The following ITGA6 variants were observed in gnomAD, a reference collection of about 807,000 sequenced individuals.
ITGA6 encodes integrin alpha-6.
ITGA6 carries 63 observed loss-of-function variants against 133.6 expected under a neutral mutation model. The observed-to-expected ratio is 0.47, with a 90% CI of 0.38 to 0.58. The LOEUF (loss-of-function observed/expected upper bound fraction) is 0.58. Ranked by LOEUF, ITGA6 falls within the 20% of genes least tolerant of loss-of-function variation. The probability of loss-of-function intolerance (pLI) is 0.00; values close to 1 mark genes in which losing one functional copy is unlikely to be tolerated. For synonymous variants in ITGA6, 434 were observed against 482.0 expected (o/e 0.90, Z 1.30); for missense variants, 1,068 against 1,309.4 (o/e 0.82, Z 2.85).
Position 172,427,667 on chromosome 2 carries a change from C to T in ITGA6, c.-122C>T, listed in dbSNP as rs373890886. 130 of 1,326,360 alleles carry T rather than the reference C, an allele frequency of 9.8e-5. 1 individual carries two copies. In the South Asian group the frequency reaches 1.4e-3, roughly 14 times the overall value. 82.2% of individuals were successfully genotyped at this position (1,326,360 alleles called of 1,614,324 possible). A position where few individuals can be genotyped will look rare whatever the true frequency, so the allele number is the denominator to read the frequency against. On this transcript the variant is annotated 5_prime_UTR_variant, in exon 1 of 26. Transcript: ENST00000684293. The stretch of plus-strand genomic sequence containing the variant: ...GCGCGACCCGTCCCGGGGGTGGGGC[C>T]GGGCGCAGCGGCGAGAGGAGGCGAA...
At chr2:172,490,728 A>G (rs75748683) in intron 20 of ITGA6, 5,441 of 358,474 alleles carry the variant, frequency 0.015, 273 homozygotes, top group African/African-American at 0.11. Context: ...TGATCTCAGT[A>G]TGCCCACAGT....
intron 1 of ITGA6, among the ~76,000 whole-genome samples, chr2:172,430,117 A>T (rs907565998): frequency 3.3e-5 from 5 of 152,146 alleles, no homozygotes; most frequent in Admixed American, 2.0e-4. Flanking sequence ...AGCAGCTGTT[A>T]ATTTACTTTG....
Position 172,491,729 on chromosome 2 carries a change from C to T in ITGA6, c.2988+206C>T, listed in dbSNP as rs1686937781. On this transcript the variant is annotated intron_variant, in intron 23 of 25. Transcript: ENST00000684293. The surrounding 1 kb of genome is among the most constrained non-coding windows in gnomAD (Gnocchi z 4.4). Reference sequence around the variant, plus strand: ...GTAAATCTAGGGTCATCCAGTTCAGCAGTGCCCATGGTAGGTTTGAGAACT... The same window carrying T: ...GTAAATCTAGGGTCATCCAGTTCAGTAGTGCCCATGGTAGGTTTGAGAACT... 6.6e-6 allele frequency among the ~76,000 whole-genome samples: 1 copy of T among 152,256 alleles called. No homozygotes were observed. The highest frequency in any genetic ancestry group is 1.9e-4 in the East Asian group (1 of 5,172).
chr2:172,433,662 C>T (rs529320175), intron 1 of ITGA6, among the ~76,000 whole-genome samples: 122 of 152,316 alleles, frequency 8.0e-4, no homozygotes, highest in African/African-American at 2.7e-3. Context: ...TGCATCTTCC[C>T]TGCTTCCCGG....
At chr2:172,466,575 G>A (rs140886240) in intron 2 of ITGA6, among the ~76,000 whole-genome samples, 3,372 of 152,232 alleles carry the variant, frequency 0.022, 46 homozygotes, top group South Asian at 0.054. Context: ...AGCCAAAATC[G>A]TGCCACTACA....
At chr2:172,498,358 G>A (rs976493579) in intron 24 of ITGA6, among the ~76,000 whole-genome samples, 3 of 152,268 alleles carry the variant, frequency 2.0e-5, no homozygotes, top group Admixed American at 1.3e-4. Flanking sequence ...AGCATGTTTA[G>A]CAAATAACAA....
At chr2:172,436,970 G>T (rs1285708675) in intron 1 of ITGA6, among the ~76,000 whole-genome samples, 1 of 152,232 alleles carries the variant, frequency 6.6e-6, no homozygotes, top group Non-Finnish European at 1.5e-5. Flanking sequence ...AGGGAGTGCA[G>T]ATGGGGAGGG....
At chr2:172,465,389 C>T (rs77878620) in intron 1 of ITGA6, 150 bp from the exon 2 acceptor site, 19,850 of 933,286 alleles carry the variant, frequency 0.021, 321 homozygotes, top group African/African-American at 0.045. Context: ...CCATAGGACT[C>T]TACATTTGTT....
chr2:172,469,058 C>T, intron 3 of ITGA6, 67 bp from the exon 4 acceptor site: 2 of 1,532,146 alleles, frequency 1.3e-6, no homozygotes, highest in Admixed American at 1.7e-5. Flanking sequence ...CCATTTTATT[C>T]ATATGTAATT....
intron 13 of ITGA6, among the ~76,000 whole-genome samples, chr2:172,486,618 G>A (rs993271141): frequency 3.3e-5 from 5 of 152,102 alleles, no homozygotes; most frequent in African/African-American, 1.2e-4. Flanking sequence ...TATTATAATC[G>A]TTGGTATCAT....
At chr2:172,498,162 A>C in intron 24 of ITGA6, 62 bp downstream of exon 24, 2 of 1,475,852 alleles carry the variant, frequency 1.4e-6, no homozygotes, top group South Asian at 2.3e-5. Context: ...AAAAAATGGG[A>C]ATCAGCACTG....
intron 23 of ITGA6, among the ~76,000 whole-genome samples, chr2:172,495,674 G>A (rs927509300): frequency 9.9e-5 from 15 of 152,216 alleles, no homozygotes; most frequent in Non-Finnish European, 2.9e-5. Context: ...CCTGACTTTG[G>A]TTCTCAGTCT....
chr2:172,450,934 T>C (rs1277571307), intron 1 of ITGA6, among the ~76,000 whole-genome samples: 1 of 142,258 alleles, frequency 7.0e-6, no homozygotes, highest in Non-Finnish European at 1.5e-5. Flanking sequence ...TAAATTTAAA[T>C]AAATATAAAT....
At chr2:172,485,576 A>C (rs1361452367) in intron 13 of ITGA6, among the ~76,000 whole-genome samples, 1 of 152,232 alleles carries the variant, frequency 6.6e-6, no homozygotes, top group Non-Finnish European at 1.5e-5. Flanking sequence ...TAGAAAGAAA[A>C]ATACATTGTG....
chr2:172,485,038 T>G, intron 12 of ITGA6, 83 bp from the exon 13 acceptor site: 9 of 1,593,558 alleles, frequency 5.6e-6, no homozygotes, highest in Non-Finnish European at 6.9e-6. Flanking sequence ...TGGCAACCTC[T>G]TAATCAATAC....
At position 172,427,776 on chromosome 2, in the gene ITGA6, C is replaced by G; in HGVS notation, c.-13C>G. 1.3e-6 allele frequency: 2 copies of G among 1,580,918 alleles called. No individual in the cohort carries two copies. Among genetic ancestry groups the G allele is most frequent in the Non-Finnish European group, 1.7e-6 (2 of 1,165,576 alleles). ...CGCTGCAGGTCCCCGCTCCCCTCCCCGTGCGTCCGCCCATGGCCGCCGCCG... is the reference window on the plus strand; with the variant it reads ...CGCTGCAGGTCCCCGCTCCCCTCCCGGTGCGTCCGCCCATGGCCGCCGCCG... On this transcript the variant is annotated 5_prime_UTR_variant, in exon 1 of 26. Coordinates refer to ENST00000684293, the MANE Select transcript of ITGA6 (RefSeq NM_000210.4).
intron 1 of ITGA6, chr2:172,428,652 A>G (rs376718332): frequency 6.6e-6 from 1 of 151,700 alleles, no homozygotes; most frequent in East Asian, 1.9e-4. Context: ...CCCAGCCCCC[A>G]AAGTACTCGG....
Position 172,427,695 on chromosome 2 carries a change from T to C in ITGA6, c.-94T>C, listed in dbSNP as rs1683903841. ...GCGCAGCGGCGAGAGGAGGCGAAGG[T>C]GGCTGCGGTAGCAGCAGCGCGGCAG... On this transcript the variant is annotated 5_prime_UTR_variant, in exon 1 of 26. Transcript: ENST00000684293. The C allele has an allele frequency of 6.6e-6, 9 of 1,369,346 alleles. No individual in the cohort carries two copies. The highest frequency in any genetic ancestry group is 8.5e-6 in the Non-Finnish European group (9 of 1,062,292). 84.8% of individuals were successfully genotyped at this position (1,369,346 alleles called of 1,614,324 possible). A position where few individuals can be genotyped will look rare whatever the true frequency, so the allele number is the denominator to read the frequency against.
chr2:172,482,924 G>A (rs1686509628), intron 11 of ITGA6, among the ~76,000 whole-genome samples: 1 of 152,208 alleles, frequency 6.6e-6, no homozygotes, highest in South Asian at 2.1e-4. Context: ...CTGTTCATCT[G>A]TTCCATAAAT....
Sources: gnomAD v4.1 joint callset for allele counts (sites outside exome capture counted in the v4.1 genomes callset) on GRCh38, gnomAD v4.1.1 for gene constraint, Gnocchi (gnomAD v3.1) non-coding constraint, MANE v1.5 for transcripts, NCBI Gene and HGNC (gene_info 2026-07-23, HGNC 2026-07-21) for gene names.